Variants in SP140L observed in about 807,000 individuals in gnomAD.
SP140L encodes the protein SP140 like nuclear body protein.
A neutral mutation model predicts 84.3 loss-of-function variants in SP140L; 64 were observed. The observed-to-expected ratio is 0.76, with a 90% CI of 0.62 to 0.94. The LOEUF is 0.94. Among genes scored for constraint, SP140L ranks in the 40% least tolerant of loss-of-function variants. The pLI is 0.00. For synonymous variants in SP140L, 242 were observed against 236.9 expected, an observed-to-expected ratio of 1.02 and a Z score of -0.20; for missense variants, 628 against 692.5, an observed-to-expected ratio of 0.91 and a Z score of 1.05.
intron 9 of SP140L, among the ~76,000 whole-genome samples, chr2:230,387,833 A>T (rs2061648756): frequency 6.6e-6 from 1 of 152,176 alleles, no homozygotes; most frequent in African/African-American, 2.4e-5. Flanking sequence ...GGAAGTCTCA[A>T]TTCTACCCAT....
At chr2:230,381,772 G>A (rs529460527) in intron 7 of SP140L, among the ~76,000 whole-genome samples, 25 of 151,118 alleles carry the variant, frequency 1.7e-4, no homozygotes, top group African/African-American at 5.6e-4. Flanking sequence ...TTCATAAACC[G>A]TGAATGCTTT....
chr2:230,352,014 T>C (rs1226775609), intron 2 of SP140L, among the ~76,000 whole-genome samples: 1 of 152,224 alleles, frequency 6.6e-6, no homozygotes, highest in Non-Finnish European at 1.5e-5. Context: ...TCAGAAAAAT[T>C]GATGTTTTAA....
chr2:230,383,497 C>A lies in SP140L; in HGVS notation c.638-13C>A. 1 of 1,593,846 alleles carries A rather than the reference C, an allele frequency of 6.3e-7. No homozygotes were observed. The highest frequency in any genetic ancestry group is 8.5e-7 in the Non-Finnish European group (1 of 1,169,784). ...TCCTCTGTATAATTAACTTTATTCT[C>A]TTTGGTTTGAAGGAAAAAAGAAGGG... On this transcript the variant is annotated splice_polypyrimidine_tract_variant and intron_variant, in intron 7 of 18. Coordinates refer to ENST00000415673, the MANE Select transcript of SP140L (RefSeq NM_138402.6).
intron 2 of SP140L, among the ~76,000 whole-genome samples, chr2:230,335,860 A>G (rs376450529): frequency 5.6e-4 from 85 of 152,312 alleles, no homozygotes; most frequent in African/African-American, 2.0e-3. Context: ...GGGCTGGTAC[A>G]GGTTCTTGTC....
intron 12 of SP140L, among the ~76,000 whole-genome samples, chr2:230,392,642 G>A (rs1466390379): frequency 6.6e-6 from 1 of 152,200 alleles, no homozygotes; most frequent in Non-Finnish European, 1.5e-5. Context: ...TAGATGGGTT[G>A]TGTACAATAA....
chr2:230,334,642 T>C (rs528551221), intron 2 of SP140L, among the ~76,000 whole-genome samples: 1 of 152,266 alleles, frequency 6.6e-6, no homozygotes, highest in South Asian at 2.1e-4. Flanking sequence ...CAGTTTTTAT[T>C]TTGTATTTGC....
chr2:230,342,360 G>T (rs2060078371), intron 2 of SP140L, among the ~76,000 whole-genome samples: 1 of 152,224 alleles, frequency 6.6e-6, no homozygotes, highest in African/African-American at 2.4e-5. Context: ...CTCGCGCACG[G>T]TGCGTGCACC....
In SP140L at chr2:230,357,492, G is replaced by A. The variant is rs2060583418; in HGVS notation, c.108-313G>A. Among the ~76,000 whole-genome samples the A allele has an allele frequency of 3.3e-5, 5 of 152,184 alleles. No individual in the cohort carries two copies. In the South Asian group the frequency reaches 1.0e-3, roughly 32 times the overall value. ...GACCTGCTTACTCCATCTAGATTCT[G>A]TAGGAATTCAATATTTTTATTTTGA... On this transcript the variant is annotated intron_variant, in intron 2 of 18. Coordinates refer to ENST00000415673, the MANE Select transcript of SP140L (RefSeq NM_138402.6).
intron 7 of SP140L, among the ~76,000 whole-genome samples, chr2:230,380,926 C>T (rs1386386130): frequency 6.6e-6 from 1 of 151,694 alleles, no homozygotes; most frequent in Non-Finnish European, 1.5e-5. Context: ...GGAAAACTCT[C>T]CTCAGCACAT....
intron 14 of SP140L, among the ~76,000 whole-genome samples, chr2:230,399,458 TA>T (rs1437984861): frequency 6.6e-6 from 1 of 152,300 alleles, no homozygotes; most frequent in Non-Finnish European, 1.5e-5. Flanking sequence ...CCTTGGTCAT[TA>T]GAGATGACAC....
At chr2:230,355,916 A>G (rs1378589154) in intron 2 of SP140L, among the ~76,000 whole-genome samples, 1 of 152,146 alleles carries the variant, frequency 6.6e-6, no homozygotes, top group Non-Finnish European at 1.5e-5. Flanking sequence ...TTTACAATAC[A>G]TAAATCAGAC....
chr2:230,342,357 A>T (rs531158151), intron 2 of SP140L, among the ~76,000 whole-genome samples: 1 of 152,316 alleles, frequency 6.6e-6, no homozygotes, highest in South Asian at 2.1e-4. Flanking sequence ...CCGCTCGCGC[A>T]CGGTGCGTGC....
intron 11 of SP140L, chr2:230,391,590 C>T (rs2061807244): frequency 6.5e-6 from 1 of 154,488 alleles, no homozygotes; most frequent in Non-Finnish European, 1.4e-5. Flanking sequence ...CAATAATGCC[C>T]TAAAACTGAA....
chr2:230,384,418 G>T (rs1185352750), intron 8 of SP140L, among the ~76,000 whole-genome samples: 1 of 152,064 alleles, frequency 6.6e-6, no homozygotes, highest in Non-Finnish European at 1.5e-5. Flanking sequence ...GTCAATGAAG[G>T]CTGTCTTATT....
chr2:230,348,101 C>G (rs991057613), intron 2 of SP140L, among the ~76,000 whole-genome samples: 12 of 152,208 alleles, frequency 7.9e-5, no homozygotes, highest in East Asian at 3.8e-4. Flanking sequence ...TCTCTTTTCC[C>G]CACTGGAGAA....
intron 5 of SP140L, 125 bp from the exon 6 acceptor site, chr2:230,370,783 C>G (rs541063101): frequency 6.5e-4 from 520 of 795,652 alleles, no homozygotes; most frequent in Admixed American, 2.0e-4. Flanking sequence ...AAGAGGGCAG[C>G]AACCAGGGTG....
intron 7 of SP140L, chr2:230,372,694 C>T (rs1442520319): frequency 7.7e-6 from 1 of 130,504 alleles, no homozygotes; most frequent in African/African-American, 2.9e-5. Context: ...CACTGCACTC[C>T]AACCTGGGAG....
intron 2 of SP140L, among the ~76,000 whole-genome samples, chr2:230,336,360 T>C (rs889445754): frequency 6.6e-6 from 1 of 152,222 alleles, no homozygotes; most frequent in African/African-American, 2.4e-5. Flanking sequence ...GTTGCAACAG[T>C]TCCTTTCCAC....
At chr2:230,352,202 A>G (rs1249139763) in intron 2 of SP140L, among the ~76,000 whole-genome samples, 3 of 152,140 alleles carry the variant, frequency 2.0e-5, no homozygotes, top group African/African-American at 7.2e-5. Flanking sequence ...TTTCCAAATA[A>G]GAACTAGTAA....
Sources: allele counts gnomAD v4.1 joint callset (sites outside exome capture counted in the v4.1 genomes callset), GRCh38; gene constraint gnomAD v4.1.1; transcripts MANE v1.5; gene names NCBI Gene and HGNC (gene_info 2026-07-23, HGNC 2026-07-21).